The following G3BP1 variants were observed in gnomAD, a reference collection of about 807,000 sequenced individuals.
G3BP1 encodes G3BP stress granule assembly factor 1, also known as ras GTPase-activating protein-binding protein 1.
In G3BP1, 35 loss-of-function variants were observed where a neutral mutation model predicts 58.6. That is an observed-to-expected ratio of 0.60 (90% CI 0.46 to 0.79). The LOEUF is 0.79. Ranked by LOEUF, G3BP1 falls within the 30% of genes least tolerant of loss-of-function variation. The pLI is 0.00. For synonymous variants in G3BP1, 191 were observed against 195.4 expected, an observed-to-expected ratio of 0.98 and a Z score of 0.19; for missense variants, 523 against 580.8, an observed-to-expected ratio of 0.90 and a Z score of 1.02.
rs1762910883 is a variant in G3BP1, at chr5:151,804,489, T to C, written c.*398T>C. The C allele has an allele frequency of 6.4e-6, 1 of 156,344 alleles. No homozygotes were observed. 9.7% of individuals were successfully genotyped at this position (156,344 alleles called of 1,614,324 possible). ...GAATATTTCTTATTTTCTACGTGTT[T>C]GAAAAGCCTGTAAGAAATACAGGAT... is the stretch of plus-strand genomic sequence containing the variant. On this transcript the variant is annotated 3_prime_UTR_variant, in exon 12 of 12. Transcript: ENST00000356245.
At chr5:151,801,362 C>G (rs557007918) in intron 11 of G3BP1, among the ~76,000 whole-genome samples, 24 of 152,330 alleles carry the variant, frequency 1.6e-4, no homozygotes, top group African/African-American at 5.5e-4. Flanking sequence ...TACTCTTACT[C>G]TGTACGTTCT....
At position 151,803,888 on chromosome 5, in the gene G3BP1, A is replaced by C. The variant is rs1762899717; in HGVS notation, c.1198A>C (p.Ile400Leu). 2 of 1,609,838 alleles carry C rather than the reference A, an allele frequency of 1.2e-6. No homozygotes were observed. Among genetic ancestry groups the C allele is most frequent in the African/African-American group, 1.3e-5 (1 of 74,936 alleles). The change falls in exon 12 of 12, where the codon ATC (isoleucine) becomes CTC (leucine). Residue 400 changes from isoleucine to leucine, a missense_variant. Around this residue, in one of 2 missense-constraint regions of G3BP1, gnomAD observed 125 missense variants for 181.7 expected, o/e 0.69. Coordinates refer to ENST00000356245, the MANE Select transcript of G3BP1 (RefSeq NM_005754.3). Reference sequence around the variant, plus strand: ...CTGGTCACCTTGATTCTTACAGCCCATCATGTTCAGAGGTGAGGTCCGTCT... The same window carrying C: ...CTGGTCACCTTGATTCTTACAGCCCCTCATGTTCAGAGGTGAGGTCCGTCT... Reference protein sequence around the residue: ...PVQKVLSNRPIMFRGEVRLNV... With the variant: ...PVQKVLSNRPLMFRGEVRLNV...
intron 1 of G3BP1, among the ~76,000 whole-genome samples, chr5:151,773,107 T>C (rs959575944): frequency 6.6e-6 from 1 of 152,218 alleles, no homozygotes; most frequent in Non-Finnish European, 1.5e-5. Context: ...AGATTGCTGA[T>C]GGGAAATTCC....
At chr5:151,795,351 A>G (rs1762731678) in intron 5 of G3BP1, 128 bp from the exon 6 acceptor site, 2 of 597,520 alleles carry the variant, frequency 3.3e-6, no homozygotes, top group South Asian at 4.2e-5. Context: ...CCATGATTTT[A>G]CCAAATTGTC....
In G3BP1 at chr5:151,807,971, T is replaced by A. The variant is rs1319742396; in HGVS notation, c.*3880T>A. 6.6e-6 allele frequency: 1 copy of A among 152,258 alleles called. No individual in the cohort carries two copies. Among genetic ancestry groups the A allele is most frequent in the African/African-American group, 2.4e-5 (1 of 41,470 alleles). The allele number at this position is 152,258 out of a possible 1,614,324, so 9.4% of individuals were successfully genotyped here. A position where few individuals can be genotyped will look rare whatever the true frequency, so the allele number is the denominator to read the frequency against. ...ATAGATAATTGTTGACCTTTTTAGT[T>A]CAGCAGTTTTTAAACTTGAAGTAAC... On this transcript the variant is annotated 3_prime_UTR_variant, in exon 12 of 12. Transcript: ENST00000356245.
At chr5:151,779,641 A>C (rs1762433965) in intron 1 of G3BP1, among the ~76,000 whole-genome samples, 1 of 152,150 alleles carries the variant, frequency 6.6e-6, no homozygotes, top group African/African-American at 2.4e-5. Flanking sequence ...CTTTTTAATA[A>C]TGTTTTTGAG....
chr5:151,804,180 C>A lies in G3BP1; in HGVS notation c.*89C>A. The stretch of plus-strand genomic sequence containing the variant: ...AGCCTTTGGTATCTTGGAGTATGAC[C>A]CCAGTCTGTTATAAACTGCTTAAGT... On this transcript the variant is annotated 3_prime_UTR_variant, in exon 12 of 12. Transcript: ENST00000356245. 1.1e-6 allele frequency: 1 copy of A among 934,154 alleles called. No individual in the cohort carries two copies. 57.9% of individuals were successfully genotyped at this position (934,154 alleles called of 1,614,324 possible).
chr5:151,779,265 T>G (rs972933427), intron 1 of G3BP1, among the ~76,000 whole-genome samples: 5 of 152,244 alleles, frequency 3.3e-5, no homozygotes, highest in Admixed American at 6.5e-5. Context: ...AAGTTTTCTT[T>G]AGAAGTTCAG....
In G3BP1 at chr5:151,786,669, A is replaced by G; in HGVS notation, c.49A>G (p.Arg17Gly). 6.2e-7 allele frequency: 1 copy of G among 1,613,550 alleles called. No individual in the cohort carries two copies. The highest frequency in any genetic ancestry group is 8.5e-7 in the Non-Finnish European group (1 of 1,179,494). Residue 17 changes from arginine to glycine, a missense_variant, in exon 2 of 12, where the codon AGA becomes GGA. Physicochemically the swap from Arg to Gly is moderately radical, Grantham distance 125 (BLOSUM62 -2). Transcript: ENST00000356245. Reference sequence around the variant, plus strand: ...CCTGCTGGTCGGGCGGGAATTTGTGAGACAGTATTACACACTGCTGAACCA... The same window carrying G: ...CCTGCTGGTCGGGCGGGAATTTGTGGGACAGTATTACACACTGCTGAACCA... ...SPLLVGREFV[R>G]QYYTLLNQAP...
rs532811445 is a variant in G3BP1, at chr5:151,790,963, C to T, written c.252C>T (p.Ala84=). Residue 84 remains alanine (A), a synonymous_variant, in exon 4 of 12, where the codon GCC becomes GCT. Coordinates refer to ENST00000356245, the MANE Select transcript of G3BP1 (RefSeq NM_005754.3). Reference sequence around the variant, plus strand: ...AGATTCGCCATGTTGATGCTCATGCCACGCTAAATGATGGTGTGGTAGTCC... The same window carrying T: ...AGATTCGCCATGTTGATGCTCATGCTACGCTAAATGATGGTGTGGTAGTCC... The part of the protein sequence containing the change: ...HTKIRHVDAH[A]TLNDGVVVQV... 9.9e-6 allele frequency: 16 copies of T among 1,612,008 alleles called. No homozygotes were observed. The South Asian group carries it at 1.3e-4, about 13-fold the overall frequency.
chr5:151,803,283 G>A (rs536781364), intron 11 of G3BP1, among the ~76,000 whole-genome samples: 2 of 152,148 alleles, frequency 1.3e-5, no homozygotes, highest in Non-Finnish European at 2.9e-5. Flanking sequence ...TATGGAGAAG[G>A]TGGCAATTTT....
chr5:151,792,961 A>G (rs763848174), intron 4 of G3BP1, among the ~76,000 whole-genome samples: 6 of 151,814 alleles, frequency 4.0e-5, no homozygotes, highest in Non-Finnish European at 8.8e-5. Context: ...AAACTGAATA[A>G]CTCATAATAT....
At position 151,799,891 on chromosome 5, in the gene G3BP1, C is replaced by T. The variant is rs1272023318; in HGVS notation, c.846C>T (p.Pro282=). 6.3e-7 allele frequency: 1 copy of T among 1,593,350 alleles called. No individual in the cohort carries two copies. Among genetic ancestry groups the T allele is most frequent in the Non-Finnish European group, 8.6e-7 (1 of 1,164,052 alleles). The change falls in exon 9 of 12, where the codon CCC becomes CCT. Residue 282 remains proline, a splice_region_variant and synonymous_variant. Transcript: ENST00000356245. ...PHVVKVPASQ[P]RPESKPESQI... is the part of the protein sequence containing the mutation. ...AAAGTTAACTTAAAATTTTTCAGCC[C>T]CGTCCAGAGTCTAAGCCTGAATCTC... is the stretch of plus-strand genomic sequence containing the variant.
At chr5:151,797,963 C>T (rs954698904) in intron 7 of G3BP1, among the ~76,000 whole-genome samples, 2 of 144,260 alleles carry the variant, frequency 1.4e-5, no homozygotes, top group East Asian at 2.1e-4. Context: ...ACTGAACTAT[C>T]GTTGAAACCT....
At chr5:151,788,644 AG>A (rs747719293) in intron 2 of G3BP1, among the ~76,000 whole-genome samples, 52 of 141,542 alleles carry the variant, frequency 3.7e-4, no homozygotes, top group Non-Finnish European at 7.0e-4. Flanking sequence ...TAGTAGGTGG[AG>A]TCTCGCTCTG....
At chr5:151,789,143 CAAAA>C (rs1762603566) in intron 2 of G3BP1, among the ~76,000 whole-genome samples, 1 of 151,020 alleles carries the variant, frequency 6.6e-6, no homozygotes, top group South Asian at 2.1e-4. Context: ...TAAAACATAA[CAAAA>C]AGAAAAAAGC....
intron 1 of G3BP1, among the ~76,000 whole-genome samples, chr5:151,775,909 C>T (rs1762361515): frequency 6.6e-6 from 1 of 152,154 alleles, no homozygotes; most frequent in South Asian, 2.1e-4. Flanking sequence ...GGAAGAGTTG[C>T]AATAGAGAGG....
At chr5:151,803,814 G>A (rs905425462) in intron 11 of G3BP1, 71 bp from the exon 12 acceptor site, 14 of 1,062,506 alleles carry the variant, frequency 1.3e-5, no homozygotes, top group Non-Finnish European at 1.9e-5. Context: ...CATTATTACA[G>A]CTTTCTTTAT....
intron 11 of G3BP1, among the ~76,000 whole-genome samples, chr5:151,803,421 A>T (rs1347464495): frequency 6.6e-6 from 1 of 152,082 alleles, no homozygotes; most frequent in African/African-American, 2.4e-5. Flanking sequence ...CTGGGTGACG[A>T]GTGAAACTCT....
Sources: gnomAD v4.1 joint callset for allele counts (sites outside exome capture counted in the v4.1 genomes callset) on GRCh38, gnomAD v4.1.1 for gene constraint, gnomAD v4.1.1 regional missense constraint, MANE v1.5 for transcripts, NCBI Gene and HGNC (gene_info 2026-07-23, HGNC 2026-07-21) for gene names.